The following FRY variants were observed in gnomAD, a reference collection of about 807,000 sequenced individuals.
FRY encodes protein furry homolog.
FRY carries 128 observed loss-of-function variants against 348.4 expected under a neutral mutation model. The observed-to-expected ratio is 0.37, with a 90% CI of 0.32 to 0.43. FRY has a LOEUF of 0.43. Among genes scored for constraint, FRY ranks in the 20% least tolerant of loss-of-function variants. The pLI is 1.00. For missense variants in FRY, 2,736 were observed against 3,695.2 expected (o/e 0.74, Z 6.73); for synonymous variants, 1,370 against 1,374.7 (o/e 1.00, Z 0.08).
At chr13:32,058,957 C>A (rs965437361) in intron 1 of FRY, among the ~76,000 whole-genome samples, 2 of 152,084 alleles carry the variant, frequency 1.3e-5, no homozygotes, top group African/African-American at 4.8e-5. Context: ...CCTGAGCAAC[C>A]TTATTTTTGT....
chr13:32,102,071 G>T, intron 3 of FRY, 55 bp downstream of exon 3: 4 of 980,884 alleles, frequency 4.1e-6, no homozygotes, highest in Non-Finnish European at 6.6e-6. Flanking sequence ...ATTCACGCAA[G>T]GCAAGGTCTG....
At chr13:32,041,283 C>CTTTTTTTTTTTTTTTTTTTTTTTTTT (rs11286980) in intron 1 of FRY, among the ~76,000 whole-genome samples, 3 of 65,006 alleles carry the variant, frequency 4.6e-5, no homozygotes, top group Non-Finnish European at 8.5e-5. Context: ...TAATCTTCTG[C>CTTTTTTTTTTTTTTTTTTTTTTTTTT]TTTTTTTTTT....
intron 38 of FRY, 29 bp downstream of exon 38, chr13:32,225,065 C>G (rs755989119): frequency 8.1e-7 from 1 of 1,228,268 alleles, no homozygotes; most frequent in South Asian, 1.2e-5. Context: ...GGCATTCTAG[C>G]CAATCGGGTT....
chr13:32,205,776 G>T (rs189219458), intron 31 of FRY, among the ~76,000 whole-genome samples: 9 of 152,132 alleles, frequency 5.9e-5, no homozygotes. Flanking sequence ...TTAAAAGCCT[G>T]GTTGCAGTGT....
rs775740469 is a variant in FRY, at chr13:32,078,956, T to C, written c.193T>C (p.Tyr65His). 6.2e-7 allele frequency: 1 copy of C among 1,613,978 alleles called. No individual in the cohort carries two copies. Among genetic ancestry groups the C allele is most frequent in the East Asian group, 2.2e-5 (1 of 44,878 alleles). ...GGACCCAGACAGTAAACCAGGAGAATATGTCCTCAAAAGTTTATTTGTCAA... is the reference window on the plus strand; with the variant it reads ...GGACCCAGACAGTAAACCAGGAGAACATGTCCTCAAAAGTTTATTTGTCAA... Reference protein sequence around the residue: ...NVDPDSKPGEYVLKSLFVNFT... With the variant: ...NVDPDSKPGEHVLKSLFVNFT... The change falls in exon 2 of 61, where the codon TAT (tyrosine) becomes CAT (histidine). Residue 65 changes from tyrosine (Y) to histidine (H), a missense_variant. Tyr to His is a moderately conservative substitution (Grantham distance 83). Around this residue, in one of 9 missense-constraint regions of FRY, gnomAD observed 309 missense variants for 418.1 expected, o/e 0.74. Coordinates refer to ENST00000542859, the MANE Select transcript of FRY (RefSeq NM_023037.3).
chr13:32,162,013 G>A (rs205011), intron 17 of FRY, among the ~76,000 whole-genome samples: 9 of 151,930 alleles, frequency 5.9e-5, no homozygotes, highest in African/African-American at 2.2e-4. Flanking sequence ...TATTAGACAC[G>A]TGGGATGTGT....
At chr13:32,130,977 GGC>G (rs1456092924) in intron 7 of FRY, among the ~76,000 whole-genome samples, 1 of 151,970 alleles carries the variant, frequency 6.6e-6, no homozygotes, top group Non-Finnish European at 1.5e-5. Context: ...CACCACACCT[GGC>G]TAATTTTTGT....
At chr13:32,105,136 C>T (rs1345790229) in intron 3 of FRY, among the ~76,000 whole-genome samples, 1 of 152,158 alleles carries the variant, frequency 6.6e-6, no homozygotes, top group Admixed American at 6.5e-5. Context: ...GTGTACCCTC[C>T]AAAATTCAGC....
At chr13:32,256,491 C>T (rs1887344624) in intron 51 of FRY, among the ~76,000 whole-genome samples, 1 of 151,532 alleles carries the variant, frequency 6.6e-6, no homozygotes, top group South Asian at 2.1e-4. Flanking sequence ...GCCGTGATTG[C>T]ACCACTGCAC....
intron 18 of FRY, 44 bp from the exon 19 acceptor site, chr13:32,173,323 T>C: frequency 6.8e-7 from 1 of 1,461,758 alleles, no homozygotes; most frequent in East Asian, 2.3e-5. Flanking sequence ...CTTCTTCCTT[T>C]GTTATTTCGC....
chr13:32,144,943 T>C (rs769311811), intron 11 of FRY, among the ~76,000 whole-genome samples: 1 of 152,038 alleles, frequency 6.6e-6, no homozygotes, highest in Non-Finnish European at 1.5e-5. Flanking sequence ...CGGGCTGGAA[T>C]TGAAGGCATC....
chr13:32,198,859 T>G (rs1181414755), intron 29 of FRY, among the ~76,000 whole-genome samples: 1 of 152,210 alleles, frequency 6.6e-6, no homozygotes, highest in Non-Finnish European at 1.5e-5. Context: ...ATAAACCTAT[T>G]TTGGATGGCA....
intron 34 of FRY, among the ~76,000 whole-genome samples, chr13:32,211,331 C>T (rs758610669): frequency 1.3e-4 from 20 of 152,150 alleles, no homozygotes; most frequent in Admixed American, 8.5e-4. Context: ...TGGTGGCACG[C>T]GCCAGTACTC....
intron 29 of FRY, among the ~76,000 whole-genome samples, chr13:32,198,758 T>C (rs1243051871): frequency 6.6e-6 from 1 of 152,140 alleles, no homozygotes; most frequent in Non-Finnish European, 1.5e-5. Flanking sequence ...TGGCGGTAGT[T>C]CCCCAGTTTT....
chr13:32,065,472 A>AT (rs1359186747), intron 1 of FRY, among the ~76,000 whole-genome samples: 1 of 151,798 alleles, frequency 6.6e-6, no homozygotes, highest in African/African-American at 2.4e-5. Context: ...CGCCTGACTG[A>AT]TTTTTTGTAT....
chr13:32,153,450 A>G (rs1403830140), intron 14 of FRY, among the ~76,000 whole-genome samples: 1 of 152,222 alleles, frequency 6.6e-6, no homozygotes, highest in Non-Finnish European at 1.5e-5. Flanking sequence ...TCTATGTACT[A>G]TTTGATTCAA....
intron 58 of FRY, among the ~76,000 whole-genome samples, chr13:32,288,621 C>A (rs1481061966): frequency 6.6e-6 from 1 of 152,238 alleles, no homozygotes; most frequent in Admixed American, 6.5e-5. Context: ...CTTAGAAGCT[C>A]TCGATTCTGA....
At chr13:32,147,420 A>G (rs368537421) in intron 12 of FRY, 35 bp downstream of exon 12, 19 of 1,121,854 alleles carry the variant, frequency 1.7e-5, no homozygotes, top group African/African-American at 3.0e-5. Context: ...TAACCATATC[A>G]CTCAGCCACT....
At chr13:32,246,373 A>G (rs1347041903) in intron 47 of FRY, among the ~76,000 whole-genome samples, 1 of 152,226 alleles carries the variant, frequency 6.6e-6, no homozygotes, top group African/African-American at 2.4e-5. Context: ...GTTGTCAGAG[A>G]AACGAAGATG....
Sources: gnomAD v4.1 joint callset for allele counts (sites outside exome capture counted in the v4.1 genomes callset) on GRCh38, gnomAD v4.1.1 for gene constraint, gnomAD v4.1.1 regional missense constraint, MANE v1.5 for transcripts, NCBI Gene and HGNC (gene_info 2026-07-23, HGNC 2026-07-21) for gene names.